Variants in SUGP1 observed in about 807,000 individuals in gnomAD.
The protein encoded by SUGP1 is SURP and G-patch domain containing 1, also known as SURP and G-patch domain-containing protein 1.
SUGP1 carries 34 observed loss-of-function variants against 76.5 expected under a neutral mutation model. That is an observed-to-expected ratio of 0.44 (90% confidence interval 0.34 to 0.59). SUGP1 has a LOEUF of 0.59. Among genes scored for constraint, SUGP1 ranks in the 20% least tolerant of loss-of-function variants. SUGP1 has a pLI of 0.01. For synonymous variants in SUGP1, 326 were observed against 326.2 expected (o/e 1.00, Z 0.01); for missense variants, 752 against 851.7 (o/e 0.88, Z 1.46).
chr19:19,279,406 G>T lies in SUGP1; in HGVS notation c.1351-16C>A. 1 of 1,581,792 alleles carries T rather than the reference G, an allele frequency of 6.3e-7. No homozygotes were observed. ...TCTGCTGCATCTGCAGGGCACACTCGCCAGTGAGCCAGGGCACGGTGCTGT... is the reference window on the plus strand; with the variant it reads ...TCTGCTGCATCTGCAGGGCACACTCTCCAGTGAGCCAGGGCACGGTGCTGT... On this transcript the variant is annotated splice_polypyrimidine_tract_variant and intron_variant, in intron 9 of 13. Transcript: ENST00000247001.
At chr19:19,295,154 G>T (rs1239520492) in intron 8 of SUGP1, among the ~76,000 whole-genome samples, 3 of 151,916 alleles carry the variant, frequency 2.0e-5, no homozygotes, top group Non-Finnish European at 4.4e-5. Flanking sequence ...GCAAGGCTGG[G>T]CCTGGTGGCT....
At chr19:19,296,849 T>A (rs956883923) in intron 8 of SUGP1, 140 bp downstream of exon 8, 1 of 718,110 alleles carries the variant, frequency 1.4e-6, no homozygotes, top group Non-Finnish European at 2.2e-6. Flanking sequence ...AAATGTGGTA[T>A]GTACACACAG....
At chr19:19,319,326 T>C (rs928060381) in intron 1 of SUGP1, among the ~76,000 whole-genome samples, 2 of 152,090 alleles carry the variant, frequency 1.3e-5, no homozygotes, top group Non-Finnish European at 2.9e-5. Context: ...GACAAGCCCA[T>C]CCTACCAGGG....
intron 7 of SUGP1, among the ~76,000 whole-genome samples, chr19:19,299,093 G>C (rs1182000571): frequency 6.6e-6 from 1 of 152,190 alleles, no homozygotes; most frequent in East Asian, 1.9e-4. Context: ...CACTGTTAAG[G>C]TGTTTCCTGC....
intron 3 of SUGP1, among the ~76,000 whole-genome samples, chr19:19,309,218 C>T (rs972761498): frequency 6.6e-6 from 1 of 152,128 alleles, no homozygotes; most frequent in Non-Finnish European, 1.5e-5. Context: ...GGTACAGTGG[C>T]TCCTGCCTGT....
chr19:19,285,268 C>T (rs908959704), intron 8 of SUGP1, among the ~76,000 whole-genome samples: 26 of 152,126 alleles, frequency 1.7e-4, no homozygotes, highest in Admixed American at 1.1e-3. Flanking sequence ...TGGGTTCAAG[C>T]GATTCTCCTG....
At chr19:19,287,431 G>A (rs955126578) in intron 8 of SUGP1, among the ~76,000 whole-genome samples, 4 of 151,912 alleles carry the variant, frequency 2.6e-5, no homozygotes, top group African/African-American at 9.7e-5. Flanking sequence ...GCATGGTGGT[G>A]CATGCCTGTA....
intron 11 of SUGP1, among the ~76,000 whole-genome samples, 166 bp downstream of exon 11, chr19:19,278,524 A>G (rs1360781685): frequency 6.6e-6 from 1 of 152,188 alleles, no homozygotes; most frequent in Non-Finnish European, 1.5e-5. Context: ...CTAATTCCCT[A>G]CACAGACGGC....
intron 7 of SUGP1, 143 bp from the exon 8 acceptor site, chr19:19,297,487 A>C: frequency 5.7e-6 from 3 of 525,378 alleles, no homozygotes; most frequent in South Asian, 5.6e-5. Context: ...CTCCACCATG[A>C]CCTCCTGCCC....
Position 19,316,414 on chromosome 19 carries a change from GC to G in SUGP1, c.206+7del. 6.2e-7 allele frequency: 1 copy of G among 1,613,872 alleles called. No individual in the cohort carries two copies. Among genetic ancestry groups the G allele is most frequent in the Non-Finnish European group, 8.5e-7 (1 of 1,179,948 alleles). ...CCAGGCCCCATCCAGGCCCCAGCAG[GC>G]ACTTACTCGCCAGGATGTGGGGGCT... On this transcript the variant is annotated splice_region_variant and intron_variant, in intron 2 of 13. Transcript: ENST00000247001.
At chr19:19,279,887 C>G (rs748212288) in intron 9 of SUGP1, among the ~76,000 whole-genome samples, 2 of 152,212 alleles carry the variant, frequency 1.3e-5, no homozygotes, top group Admixed American at 1.3e-4. Context: ...AGCCCTGGAG[C>G]GCGGCGAGAA....
At chr19:19,310,061 A>G in intron 3 of SUGP1, 36 bp downstream of exon 3, 1 of 1,558,400 alleles carries the variant, frequency 6.4e-7, no homozygotes, top group South Asian at 1.1e-5. Context: ...GGGGAGATGC[A>G]AGGACAGCAC....
intron 8 of SUGP1, among the ~76,000 whole-genome samples, chr19:19,290,870 G>T (rs964792980): frequency 1.3e-5 from 2 of 152,008 alleles, no homozygotes; most frequent in Non-Finnish European, 1.5e-5. Flanking sequence ...AGTAATCCCA[G>T]CACTTTGGGA....
intron 8 of SUGP1, among the ~76,000 whole-genome samples, chr19:19,284,480 G>C (rs1568620046): frequency 6.6e-6 from 1 of 151,894 alleles, no homozygotes; most frequent in Non-Finnish European, 1.5e-5. Context: ...AAAAGAAGAA[G>C]AGAAATTCAC....
At chr19:19,297,617 C>A (rs928631442) in intron 7 of SUGP1, among the ~76,000 whole-genome samples, 1 of 152,180 alleles carries the variant, frequency 6.6e-6, no homozygotes. Context: ...ATTGTTCACC[C>A]TGCTACAAAG....
At chr19:19,291,082 A>T (rs760297744) in intron 8 of SUGP1, among the ~76,000 whole-genome samples, 14 of 152,198 alleles carry the variant, frequency 9.2e-5, no homozygotes, top group Non-Finnish European at 2.1e-4. Context: ...ATGCCACTGC[A>T]CTCCAGCCTG....
intron 1 of SUGP1, among the ~76,000 whole-genome samples, chr19:19,318,947 G>A (rs2061415250): frequency 6.6e-6 from 1 of 152,162 alleles, no homozygotes; most frequent in Non-Finnish European, 1.5e-5. Context: ...AGCCGGGCAT[G>A]GTGACTCACA....
intron 7 of SUGP1, 132 bp downstream of exon 7, chr19:19,302,131 CAG>C (rs745466816): frequency 7.1e-6 from 10 of 1,399,408 alleles, no homozygotes; most frequent in Non-Finnish European, 9.8e-6. Flanking sequence ...GCTCTGGGGT[CAG>C]AGACTCTTGG....
At chr19:19,319,874 C>G (rs1250170516) in intron 1 of SUGP1, among the ~76,000 whole-genome samples, 1 of 152,154 alleles carries the variant, frequency 6.6e-6, no homozygotes, top group Non-Finnish European at 1.5e-5. Context: ...AAAGCAACCT[C>G]CAGGAAGGCA....
Sources: gnomAD v4.1 joint callset for allele counts (sites outside exome capture counted in the v4.1 genomes callset) on GRCh38, gnomAD v4.1.1 for gene constraint, MANE v1.5 for transcripts, NCBI Gene and HGNC (gene_info 2026-07-23, HGNC 2026-07-21) for gene names.